The following PRR4 variants were observed in gnomAD, a reference collection of about 807,000 sequenced individuals.
PRR4 encodes the protein proline rich 4, also known as proline-rich protein 4.
In PRR4, 7 loss-of-function variants were observed where a neutral mutation model predicts 7.6. That is an observed-to-expected ratio of 0.92 (90% CI 0.52 to 1.73). PRR4 has a LOEUF of 1.73. PRR4 is among the 40% of genes most tolerant of loss of function. The pLI is 0.00. For synonymous variants in PRR4, 64 were observed against 58.5 expected, an observed-to-expected ratio of 1.09 and a Z score of -0.43; for missense variants, 187 against 161.0, an observed-to-expected ratio of 1.16 and a Z score of -0.87.
chr12:10,845,856 C>A lies in PRR4; in HGVS notation c.*113G>T. ...AGAAGCAACAATCAGAAATTGCATG[C>A]TATTAATATTTTATTGGTATACTGA... On this transcript the variant is annotated 3_prime_UTR_variant, in exon 4 of 4. Transcript: ENST00000228811. 1.0e-6 allele frequency: 1 copy of A among 988,610 alleles called. No individual in the cohort carries two copies. The highest frequency in any genetic ancestry group is 3.0e-5 in the East Asian group (1 of 32,866). 61.2% of individuals were successfully genotyped at this position (988,610 alleles called of 1,614,324 possible). A position where few individuals can be genotyped will look rare whatever the true frequency, so the allele number is the denominator to read the frequency against.
chr12:10,848,578 AG>A, intron 1 of PRR4, 171 bp from the exon 2 acceptor site: 1 of 546,418 alleles, frequency 1.8e-6, no homozygotes, highest in Non-Finnish European at 3.2e-6. Flanking sequence ...TAGGGGAGGC[AG>A]GATTGTTACT....
Position 10,847,374 on chromosome 12 carries a change from GAGTAATTAA to G in PRR4, c.101-16_101-8del. 2 of 1,483,250 alleles carry G rather than the reference GAGTAATTAA, an allele frequency of 1.3e-6. No individual in the cohort carries two copies. Among genetic ancestry groups the G allele is most frequent in the Non-Finnish European group, 1.8e-6 (2 of 1,112,264 alleles). 91.9% of individuals were successfully genotyped at this position (1,483,250 alleles called of 1,614,324 possible). A position where few individuals can be genotyped will look rare whatever the true frequency, so the allele number is the denominator to read the frequency against. On this transcript the variant is annotated splice_region_variant and splice_polypyrimidine_tract_variant and intron_variant, in intron 2 of 3. Coordinates refer to ENST00000228811, the MANE Select transcript of PRR4 (RefSeq NM_007244.3). ...TGACTTGAGTCCTCTACATCTGTGTGAGTAATTAATGGACAAGAATGCATGAGCTCAGTG... is the reference window on the plus strand; with the variant it reads ...TGACTTGAGTCCTCTACATCTGTGTGTGGACAAGAATGCATGAGCTCAGTG...
In PRR4 at chr12:10,845,864, AT is replaced by A; in HGVS notation, c.*104del. On this transcript the variant is annotated 3_prime_UTR_variant, in exon 4 of 4. Transcript: ENST00000228811. The stretch of plus-strand genomic sequence containing the variant: ...CAATCAGAAATTGCATGCTATTAAT[AT>A]TTTATTGGTATACTGAAGAAAGAGT... 2.8e-6 allele frequency: 3 copies of A among 1,084,928 alleles called. No homozygotes were observed. Among genetic ancestry groups the A allele is most frequent in the Non-Finnish European group, 3.6e-6 (3 of 826,850 alleles). The allele number at this position is 1,084,928 out of a possible 1,614,324, so 67.2% of individuals were successfully genotyped here.
At chr12:10,848,736 T>TC (rs1949056721) in intron 1 of PRR4, 4 of 271,774 alleles carry the variant, frequency 1.5e-5, no homozygotes, top group Non-Finnish European at 2.0e-5. Context: ...TCTTTAAATA[T>TC]TTTGATCATA....
At chr12:10,847,854 A>G (rs961040633) in intron 2 of PRR4, among the ~76,000 whole-genome samples, 1 of 152,180 alleles carries the variant, frequency 6.6e-6, no homozygotes, top group Non-Finnish European at 1.5e-5. Context: ...ACAGAAGAGA[A>G]AGACAATGTG....
chr12:10,847,665 A>G (rs1460401498), intron 2 of PRR4, among the ~76,000 whole-genome samples: 4 of 151,972 alleles, frequency 2.6e-5, no homozygotes, highest in Non-Finnish European at 5.9e-5. Context: ...AGGACAGAAA[A>G]AAAAAAAAAA....
chr12:10,848,356 G>T lies in PRR4; in HGVS notation c.100+16C>A. On this transcript the variant is annotated intron_variant, in intron 2 of 3. Coordinates refer to ENST00000228811, the MANE Select transcript of PRR4 (RefSeq NM_007244.3). ...AAAGAAAGAAAAGAATTGGATTGAG[G>T]ATCATTGGGATTTACCTGGTATGGT... 6.3e-7 allele frequency: 1 copy of T among 1,597,384 alleles called. No homozygotes were observed. Among genetic ancestry groups the T allele is most frequent in the Middle Eastern group, 1.7e-4 (1 of 6,026 alleles).
intron 1 of PRR4, 152 bp from the exon 2 acceptor site, chr12:10,848,559 G>A (rs561873727): frequency 4.9e-6 from 3 of 616,226 alleles, no homozygotes; most frequent in Non-Finnish European, 8.2e-6. Flanking sequence ...TGGAAGGGGA[G>A]GAAGATGTTA....
Position 10,847,346 on chromosome 12 carries a change from C to A in PRR4, c.122G>T (p.Arg41Ile). The A allele has an allele frequency of 3.2e-6, 5 of 1,545,310 alleles. No individual in the cohort carries two copies. The highest frequency in any genetic ancestry group is 4.4e-6 in the Non-Finnish European group (5 of 1,145,008). Residue 41 changes from arginine to isoleucine, a missense_variant, in exon 3 of 4, where the codon AGA becomes ATA. Transcript: ENST00000228811. ...TIPDVEDSSQ[R>I]PDQGPQRPPP... Reference sequence around the variant, plus strand: ...AGGTCTCTGGGGTCCCTGATCTGGTCTCTGACTTGAGTCCTCTACATCTGT... The same window carrying A: ...AGGTCTCTGGGGTCCCTGATCTGGTATCTGACTTGAGTCCTCTACATCTGT...
In PRR4 at chr12:10,847,507, GT is replaced by G. The variant is rs908272656; in HGVS notation, c.101-141del. ...ACTGTCAACTTCTTTTGTGCCCACT[GT>G]TTTTTTTTTCTTTTTATGCAGCTCT... is the stretch of plus-strand genomic sequence containing the variant. On this transcript the variant is annotated intron_variant, in intron 2 of 3. Transcript: ENST00000228811. The G allele has an allele frequency of 3.0e-3, 1,393 of 467,530 alleles. 9 individuals are homozygous for G. Among genetic ancestry groups the G allele is most frequent in the East Asian group, 0.015 (405 of 26,236 alleles). 29.0% of individuals were successfully genotyped at this position (467,530 alleles called of 1,614,324 possible). A position where few individuals can be genotyped will look rare whatever the true frequency, so the allele number is the denominator to read the frequency against.
chr12:10,848,254 AC>A (rs1300928218), intron 2 of PRR4, 117 bp downstream of exon 2: 7 of 923,500 alleles, frequency 7.6e-6, no homozygotes, highest in Non-Finnish European at 1.2e-5. Context: ...TCAATGCCTG[AC>A]CCCTCTTACC....
chr12:10,848,205 G>T (rs945369515), intron 2 of PRR4, among the ~76,000 whole-genome samples, 167 bp downstream of exon 2: 1 of 152,018 alleles, frequency 6.6e-6, no homozygotes, highest in African/African-American at 2.4e-5. Flanking sequence ...ATCAAAGATG[G>T]GTAAGAATTG....
chr12:10,848,219 A>T, intron 2 of PRR4, 153 bp downstream of exon 2: 2 of 649,838 alleles, frequency 3.1e-6, no homozygotes, highest in Non-Finnish European at 5.1e-6. Context: ...AGAATTGCCT[A>T]TATATTTAGG....
Position 10,847,119 on chromosome 12 carries a change from A to G in PRR4, c.349T>C (p.Ser117Pro). The G allele has an allele frequency of 1.9e-6, 3 of 1,612,898 alleles. No individual in the cohort carries two copies. Among genetic ancestry groups the G allele is most frequent in the Non-Finnish European group, 2.5e-6 (3 of 1,179,312 alleles). Reference protein sequence around the residue: ...FPSVSLQEASSFFQRDRPARH... With the variant: ...FPSVSLQEASPFFQRDRPARH... ...GCTGGTCTGTCCCTCTGGAAGAATG[A>G]TGATGCTTCCTGCAGGCTGACAGAA... The change falls in exon 3 of 4, where the codon TCA becomes CCA. Residue 117 changes from serine (S) to proline (P), a missense_variant. Transcript: ENST00000228811.
intron 3 of PRR4, among the ~76,000 whole-genome samples, 151 bp from the exon 4 acceptor site, chr12:10,846,101 T>C (rs1949013693): frequency 6.6e-6 from 1 of 152,138 alleles, no homozygotes; most frequent in Non-Finnish European, 1.5e-5. Context: ...TGGTTACTGT[T>C]CAAAACATTC....
chr12:10,847,325 C>G lies in PRR4; in HGVS notation c.143G>C (p.Arg48Thr). Residue 48 changes from arginine (R) to threonine (T), a missense_variant, in exon 3 of 4, where the codon AGA (arginine) becomes ACA (threonine). Physicochemically the swap from Arg to Thr is moderately conservative, Grantham distance 71. Coordinates refer to ENST00000228811, the MANE Select transcript of PRR4 (RefSeq NM_007244.3). ...AGGTAGGAGTCCTTCAGGAGGAGGT[C>G]TCTGGGGTCCCTGATCTGGTCTCTG... ...SSQRPDQGPQ[R>T]PPPEGLLPRP... 2 of 1,574,434 alleles carry G rather than the reference C, an allele frequency of 1.3e-6. No individual in the cohort carries two copies. The highest frequency in any genetic ancestry group is 1.7e-6 in the Non-Finnish European group (2 of 1,157,840).
At chr12:10,846,706 G>T (rs1044790270) in intron 3 of PRR4, among the ~76,000 whole-genome samples, 1 of 152,148 alleles carries the variant, frequency 6.6e-6, no homozygotes, top group African/African-American at 2.4e-5. Context: ...ACCTGAGATG[G>T]AGAGTCCTTG....
chr12:10,846,020 T>G, intron 3 of PRR4, 70 bp from the exon 4 acceptor site: 1 of 1,038,986 alleles, frequency 9.6e-7, no homozygotes. Context: ...TCTAATTCCT[T>G]GATGATATTA....
At chr12:10,849,258 T>C in intron 1 of PRR4, 116 bp downstream of exon 1, 1 of 482,730 alleles carries the variant, frequency 2.1e-6, no homozygotes. Context: ...TCAACCTCCT[T>C]CCTCCCCTCC....
Sources: allele counts gnomAD v4.1 joint callset (sites outside exome capture counted in the v4.1 genomes callset), GRCh38; gene constraint gnomAD v4.1.1; transcripts MANE v1.5; gene names NCBI Gene and HGNC (gene_info 2026-07-23, HGNC 2026-07-21).